Variants in CBL observed in about 807,000 individuals in gnomAD.
CBL encodes E3 ubiquitin-protein ligase CBL.
A neutral mutation model predicts 96.9 loss-of-function variants in CBL; 45 were observed. That is an observed-to-expected ratio of 0.46 (90% confidence interval 0.37 to 0.60). The LOEUF is 0.60. CBL is among the 20% of genes least tolerant of loss of function. CBL has a pLI of 0.00. For missense variants in CBL, 1,024 were observed against 1,143.5 expected (o/e 0.90, Z 1.51); for synonymous variants, 420 against 426.8 (o/e 0.98, Z 0.20).
intron 2 of CBL, among the ~76,000 whole-genome samples, chr11:119,266,397 C>A (rs1042854887): frequency 1.3e-5 from 2 of 152,056 alleles, no homozygotes; most frequent in Non-Finnish European, 2.9e-5. Flanking sequence ...ATTGTGATTC[C>A]TATGAAGTTG....
chr11:119,302,057 A>C lies in CBL; in HGVS notation c.*2276A>C. On this transcript the variant is annotated 3_prime_UTR_variant, in exon 16 of 16. Transcript: ENST00000264033. The stretch of plus-strand genomic sequence containing the variant: ...AATCTTCTCTGGAGATTATCTCCCT[A>C]CTGTGTAGGTTAAGGGCAGTCTCGA... 1 of 232,936 alleles carries C rather than the reference A, an allele frequency of 4.3e-6. No homozygotes were observed. The highest frequency in any genetic ancestry group is 8.5e-6 in the Non-Finnish European group (1 of 117,872). 14.4% of individuals were successfully genotyped at this position (232,936 alleles called of 1,614,324 possible). A position where few individuals can be genotyped will look rare whatever the true frequency, so the allele number is the denominator to read the frequency against.
rs185085070 is a variant in CBL at position 119,215,949 on chromosome 11, C to T, written c.195+9337C>T. On this transcript the variant is annotated intron_variant, in intron 1 of 15. Coordinates refer to ENST00000264033, the MANE Select transcript of CBL (RefSeq NM_005188.4). Reference sequence around the variant, plus strand: ...GTAGGAGTAGGCACCTGGAAGCCAGCGTCAGCTTTGTCCCCACAGTGCTCC... The same window carrying T: ...GTAGGAGTAGGCACCTGGAAGCCAGTGTCAGCTTTGTCCCCACAGTGCTCC... 1.8e-3 allele frequency among the ~76,000 whole-genome samples: 268 copies of T among 152,352 alleles called. 1 individual carries two copies. The highest frequency in any genetic ancestry group is 6.1e-3 in the African/African-American group (253 of 41,586).
At chr11:119,293,835 T>G (rs935842799) in intron 12 of CBL, among the ~76,000 whole-genome samples, 4 of 152,208 alleles carry the variant, frequency 2.6e-5, no homozygotes, top group Non-Finnish European at 5.9e-5. Flanking sequence ...CCTGCTGCCT[T>G]GTAACCAGGC....
At chr11:119,220,206 G>A (rs943448716) in intron 1 of CBL, among the ~76,000 whole-genome samples, 1 of 152,096 alleles carries the variant, frequency 6.6e-6, no homozygotes, top group Non-Finnish European at 1.5e-5. Flanking sequence ...TCACCATGTT[G>A]GGCAGGCTGG....
In CBL at chr11:119,307,828, G is replaced by A. The variant is rs1950159858; in HGVS notation, c.*8047G>A. ...AAGAAGAAAACAAAACAAACACATA[G>A]GTGAGATTTTCGTGGACTATTTTAA... On this transcript the variant is annotated 3_prime_UTR_variant, in exon 16 of 16. Coordinates refer to ENST00000264033, the MANE Select transcript of CBL (RefSeq NM_005188.4). The A allele has an allele frequency of 4.8e-6, 1 of 210,018 alleles. No individual in the cohort carries two copies. The highest frequency in any genetic ancestry group is 9.7e-6 in the Non-Finnish European group (1 of 103,348). The allele number at this position is 210,018 out of a possible 1,614,324, so 13.0% of individuals were successfully genotyped here.
rs1433119531 is a variant in CBL, at chr11:119,301,028, A to G, written c.*1247A>G. The G allele has an allele frequency of 4.3e-6, 1 of 233,370 alleles. No individual in the cohort carries two copies. Among genetic ancestry groups the G allele is most frequent in the African/African-American group, 2.2e-5 (1 of 45,328 alleles). 14.5% of individuals were successfully genotyped at this position (233,370 alleles called of 1,614,324 possible). ...TTCCTTTGCCCTTTAAGGAGTGGGG[A>G]TAATGTCCACGGTGGCCCAGCCTCT... On this transcript the variant is annotated 3_prime_UTR_variant, in exon 16 of 16. Transcript: ENST00000264033.
chr11:119,207,147 T>G, intron 1 of CBL, among the ~76,000 whole-genome samples: 1 of 152,072 alleles, frequency 6.6e-6, no homozygotes, highest in Admixed American at 6.6e-5. Flanking sequence ...GTATAGTCCT[T>G]TCTCATTAAG....
rs1949414122 is a variant in CBL at position 119,221,783 on chromosome 11, G to C, written c.196-10665G>C. ...CTCCGTCTCAAAAAAAAAAAAAAAA[G>C]CTTCACTATATATTTATACCTGTTA... On this transcript the variant is annotated intron_variant, in intron 1 of 15. Coordinates refer to ENST00000264033, the MANE Select transcript of CBL (RefSeq NM_005188.4). Among the ~76,000 whole-genome samples, 3 of 149,652 alleles carry C rather than the reference G, an allele frequency of 2.0e-5. No individual in the cohort carries two copies. In the South Asian group the frequency reaches 6.3e-4, roughly 32 times the overall value.
At chr11:119,252,906 A>C (rs942876529) in intron 2 of CBL, among the ~76,000 whole-genome samples, 1 of 149,786 alleles carries the variant, frequency 6.7e-6, no homozygotes, top group Non-Finnish European at 1.5e-5. Flanking sequence ...AAAAAGATTA[A>C]AAAAAAATAA....
chr11:119,282,027 C>A (rs1949938950), intron 9 of CBL, among the ~76,000 whole-genome samples: 1 of 151,990 alleles, frequency 6.6e-6, no homozygotes, highest in Non-Finnish European at 1.5e-5. Context: ...TTTTCTGGAG[C>A]CTTATATGCT....
intron 2 of CBL, among the ~76,000 whole-genome samples, chr11:119,266,114 T>C (rs1254750887): frequency 6.6e-6 from 1 of 151,890 alleles, no homozygotes; most frequent in Non-Finnish European, 1.5e-5. Flanking sequence ...GAGGATCGCT[T>C]GAGTCTGGGA....
chr11:119,236,097 T>C (rs1244487177), intron 2 of CBL, among the ~76,000 whole-genome samples: 1 of 152,196 alleles, frequency 6.6e-6, no homozygotes, highest in Non-Finnish European at 1.5e-5. Context: ...TTTGCCCTTT[T>C]AAAGTGTACA....
chr11:119,240,310 GA>G (rs981646957), intron 2 of CBL, among the ~76,000 whole-genome samples: 56 of 149,996 alleles, frequency 3.7e-4, no homozygotes, highest in Non-Finnish European at 6.4e-4. Flanking sequence ...AAAAAAAAAA[GA>G]AAAAAAAGAA....
At chr11:119,218,398 A>T (rs528720848) in intron 1 of CBL, among the ~76,000 whole-genome samples, 1 of 152,320 alleles carries the variant, frequency 6.6e-6, no homozygotes, top group South Asian at 2.1e-4. Flanking sequence ...TAATTAGTGT[A>T]TGGCATCTAA....
chr11:119,256,802 A>C (rs944301727), intron 2 of CBL, among the ~76,000 whole-genome samples: 4 of 152,010 alleles, frequency 2.6e-5, no homozygotes, highest in African/African-American at 9.7e-5. Context: ...CCTACTTATA[A>C]ATGAGAACCT....
intron 2 of CBL, among the ~76,000 whole-genome samples, chr11:119,265,803 ACCTAAGGT>A (rs1458061812): frequency 1.3e-5 from 2 of 152,114 alleles, no homozygotes; most frequent in Non-Finnish European, 2.9e-5. Flanking sequence ...CGGGTGGATC[ACCTAAGGT>A]TGGAAGTTCG....
chr11:119,255,542 TA>T (rs1424341190), intron 2 of CBL, among the ~76,000 whole-genome samples: 2 of 152,040 alleles, frequency 1.3e-5, no homozygotes, highest in African/African-American at 2.4e-5. Flanking sequence ...TATAATTATA[TA>T]AAAATACATA....
Position 119,212,168 on chromosome 11 carries a change from C to T in CBL, c.195+5556C>T, listed in dbSNP as rs1256238671. Among the ~76,000 whole-genome samples the T allele has an allele frequency of 2.0e-5, 3 of 151,958 alleles. No individual in the cohort carries two copies. The East Asian group carries it at 5.8e-4, about 29-fold the overall frequency. ...TCCTGACCTCAGGTGATCTGCCTGC[C>T]TCGGTCTTCCAAAGTGAGCCACCAC... On this transcript the variant is annotated intron_variant, in intron 1 of 15. Coordinates refer to ENST00000264033, the MANE Select transcript of CBL (RefSeq NM_005188.4).
intron 2 of CBL, among the ~76,000 whole-genome samples, chr11:119,235,472 G>A (rs927791808): frequency 6.6e-6 from 1 of 152,178 alleles, no homozygotes; most frequent in Non-Finnish European, 1.5e-5. Flanking sequence ...AAGTGGAAAT[G>A]GATCCTCATA....
Sources: allele counts gnomAD v4.1 joint callset (sites outside exome capture counted in the v4.1 genomes callset), GRCh38; gene constraint gnomAD v4.1.1; transcripts MANE v1.5; gene names NCBI Gene and HGNC (gene_info 2026-07-23, HGNC 2026-07-21).